The following DZIP3 variants were observed in gnomAD, a reference collection of about 807,000 sequenced individuals.
The protein encoded by DZIP3 is E3 ubiquitin-protein ligase DZIP3.
A neutral mutation model predicts 162.0 loss-of-function variants in DZIP3; 118 were observed. That is an observed-to-expected ratio of 0.73 (90% CI 0.63 to 0.85). The LOEUF is 0.85. DZIP3 is among the 40% of genes least tolerant of loss of function. DZIP3 has a pLI of 0.00. For synonymous variants in DZIP3, 438 were observed against 458.6 expected (o/e 0.96, Z 0.57); for missense variants, 1,331 against 1,407.0 (o/e 0.95, Z 0.86).
At chr3:108,642,294 C>G in intron 12 of DZIP3, 144 bp from the exon 13 acceptor site, 1 of 926,220 alleles carries the variant, frequency 1.1e-6, no homozygotes. Context: ...TTGGTGAGCT[C>G]TATTTGTTCA....
chr3:108,631,055 A>ACACACACACACACACTCTCTCTCTCTCT, intron 8 of DZIP3, among the ~76,000 whole-genome samples: 3 of 18,010 alleles, frequency 1.7e-4, no homozygotes, highest in African/African-American at 5.6e-4. Context: ...ACACACACAC[A>ACACACACACACACACTCTCTCTCTCTCT]CTCTCTCTCT....
chr3:108,599,771 C>T (rs1559715767), intron 1 of DZIP3, among the ~76,000 whole-genome samples: 1 of 152,160 alleles, frequency 6.6e-6, no homozygotes, highest in Non-Finnish European at 1.5e-5. Context: ...CTCTCTCACC[C>T]TCTTTCTACC....
intron 1 of DZIP3, among the ~76,000 whole-genome samples, chr3:108,600,083 T>A (rs1421280277): frequency 1.3e-5 from 2 of 152,190 alleles, no homozygotes; most frequent in African/African-American, 4.8e-5. Context: ...TTTGAAAGTG[T>A]TTTCTTCAGT....
At chr3:108,656,839 G>A (rs1026566718) in intron 19 of DZIP3, among the ~76,000 whole-genome samples, 5 of 152,300 alleles carry the variant, frequency 3.3e-5, no homozygotes, top group East Asian at 1.9e-4. Context: ...ACTATGTGAC[G>A]AATGCACAAG....
In DZIP3 at chr3:108,608,169, G is replaced by GT; in HGVS notation, c.102+14dup. The GT allele has an allele frequency of 6.3e-7, 1 of 1,599,416 alleles. No individual in the cohort carries two copies. The highest frequency in any genetic ancestry group is 8.6e-7 in the Non-Finnish European group (1 of 1,169,494). On this transcript the variant is annotated intron_variant, in intron 3 of 32. Coordinates refer to ENST00000361582, the MANE Select transcript of DZIP3 (RefSeq NM_014648.4). ...TCATCTGGTCAACTGGTAAGAGAAA[G>GT]TTTAATTTTCATTAACTGTTAGTTA...
At chr3:108,614,182 A>G (rs1940873337) in intron 4 of DZIP3, among the ~76,000 whole-genome samples, 1 of 152,234 alleles carries the variant, frequency 6.6e-6, no homozygotes, top group Non-Finnish European at 1.5e-5. Flanking sequence ...TAAATCCAAA[A>G]CTTGCTTTTT....
intron 22 of DZIP3, among the ~76,000 whole-genome samples, chr3:108,670,361 T>A (rs1312345593): frequency 6.6e-6 from 1 of 151,914 alleles, no homozygotes; most frequent in African/African-American, 2.4e-5. Flanking sequence ...TTTGCCTCTT[T>A]TGGACATTTC....
In DZIP3 at chr3:108,625,154, C is replaced by CA. The variant is rs1479563843; in HGVS notation, c.456+630_456+631insA. ...GTAAGGCCAGGCAGCATTTTTCCAG[C>CA]TTTTTTTTTCTAGAGAGACTGAGGC... On this transcript the variant is annotated intron_variant, in intron 6 of 32. Coordinates refer to ENST00000361582, the MANE Select transcript of DZIP3 (RefSeq NM_014648.4). Among the ~76,000 whole-genome samples the CA allele has an allele frequency of 2.0e-5, 3 of 151,164 alleles. No individual in the cohort carries two copies. In the East Asian group the frequency reaches 5.8e-4, roughly 29 times the overall value.
chr3:108,609,660 G>C (rs1940588027), intron 3 of DZIP3, among the ~76,000 whole-genome samples: 3 of 152,064 alleles, frequency 2.0e-5, no homozygotes. Flanking sequence ...TTACAATATG[G>C]CAAAACATTG....
intron 25 of DZIP3, among the ~76,000 whole-genome samples, chr3:108,676,578 G>A (rs915452647): frequency 2.0e-5 from 3 of 151,686 alleles, no homozygotes; most frequent in Admixed American, 6.6e-5. Context: ...GATAGATAAT[G>A]TTGATTTTTT....
At chr3:108,670,825 A>G (rs961385867) in intron 22 of DZIP3, among the ~76,000 whole-genome samples, 1 of 151,848 alleles carries the variant, frequency 6.6e-6, no homozygotes, top group Admixed American at 6.6e-5. Flanking sequence ...TACCCATTGT[A>G]TTATGTGTGA....
At chr3:108,682,414 A>G (rs1204436480) in intron 26 of DZIP3, among the ~76,000 whole-genome samples, 1 of 151,040 alleles carries the variant, frequency 6.6e-6, no homozygotes, top group African/African-American at 2.5e-5. Context: ...GTATATATAC[A>G]CAATGAAATA....
chr3:108,657,153 A>G (rs867604761), intron 19 of DZIP3, among the ~76,000 whole-genome samples: 3 of 152,086 alleles, frequency 2.0e-5, no homozygotes, highest in Non-Finnish European at 4.4e-5. Context: ...CAAAGATACT[A>G]CTCGAGAAGA....
chr3:108,618,431 C>G (rs1041588547), intron 5 of DZIP3, among the ~76,000 whole-genome samples: 4 of 152,100 alleles, frequency 2.6e-5, no homozygotes, highest in African/African-American at 9.7e-5. Context: ...TAAAAATTAG[C>G]CCTTTTACTG....
At chr3:108,616,730 C>T in intron 5 of DZIP3, 73 bp downstream of exon 5, 1 of 1,067,650 alleles carries the variant, frequency 9.4e-7, no homozygotes, top group South Asian at 1.4e-5. Flanking sequence ...ACAGCCAATG[C>T]ATGCTTATTT....
chr3:108,611,365 A>T (rs941541419), intron 4 of DZIP3, 36 bp downstream of exon 4: 14 of 1,606,836 alleles, frequency 8.7e-6, no homozygotes, highest in Non-Finnish European at 1.1e-5. Context: ...GCAGAAGTGC[A>T]GCTGTCTGTA....
intron 9 of DZIP3, among the ~76,000 whole-genome samples, chr3:108,633,888 T>C (rs1287476860): frequency 4.1e-5 from 6 of 145,964 alleles, no homozygotes; most frequent in African/African-American, 1.6e-4. Flanking sequence ...TCTCTGGATC[T>C]ATCAGAATAC....
rs371168920 is a variant in DZIP3 at position 108,664,687 on chromosome 3, A to G, written c.2423+2430A>G. 3.5e-4 allele frequency among the ~76,000 whole-genome samples: 53 copies of G among 152,328 alleles called. No homozygotes were observed. In the South Asian group the frequency reaches 0.011, roughly 30 times the overall value. On this transcript the variant is annotated intron_variant, in intron 21 of 32. Transcript: ENST00000361582. The stretch of plus-strand genomic sequence containing the variant: ...TCAGCTGGTGCCAGAAGGGCACAAC[A>G]GGGAGCTGAACTTCTGCCTCCACCC...
chr3:108,663,632 G>A (rs1327541518), intron 21 of DZIP3, among the ~76,000 whole-genome samples: 1 of 151,102 alleles, frequency 6.6e-6, no homozygotes, highest in Non-Finnish European at 1.5e-5. Flanking sequence ...GACCAGTCCA[G>A]AAATATGTCA....
Sources: allele counts gnomAD v4.1 joint callset (sites outside exome capture counted in the v4.1 genomes callset), GRCh38; gene constraint gnomAD v4.1.1; transcripts MANE v1.5; gene names NCBI Gene and HGNC (gene_info 2026-07-23, HGNC 2026-07-21).